Variants in GPIHBP1 observed in about 807,000 individuals in gnomAD.
The protein encoded by GPIHBP1 is glycosylphosphatidylinositol anchored high density lipoprotein binding protein 1.
A neutral mutation model predicts 13.0 loss-of-function variants in GPIHBP1; 11 were observed. The observed-to-expected ratio is 0.84, with a 90% confidence interval of 0.53 to 1.40. The LOEUF (loss-of-function observed/expected upper bound fraction) is 1.40, where lower values mean the gene tolerates loss of function less well. GPIHBP1 is among the 40% of genes most tolerant of loss of function. The pLI is 0.00. For synonymous variants in GPIHBP1, 106 were observed against 102.2 expected (o/e 1.04, Z -0.22); for missense variants, 231 against 241.1 (o/e 0.96, Z 0.28).
chr8:143,215,995 G>GC lies in GPIHBP1; in HGVS notation c.*482dup, dbSNP rs1368816119. On this transcript the variant is annotated 3_prime_UTR_variant, in exon 4 of 4. Transcript: ENST00000622500. ...GGGGATTTGGAGGGAGGCTGTCGTCGCCCCCAGGAAAGACGGGCCTGGGGG... is the reference window on the plus strand; with the variant it reads ...GGGGATTTGGAGGGAGGCTGTCGTCGCCCCCCAGGAAAGACGGGCCTGGGGG... 6.0e-6 allele frequency: 1 copy of GC among 167,276 alleles called. No homozygotes were observed. The highest frequency in any genetic ancestry group is 5.7e-5 in the Admixed American group (1 of 17,646). The allele number at this position is 167,276 out of a possible 1,614,324, so 10.4% of individuals were successfully genotyped here.
rs1474223646 is a variant in GPIHBP1, at chr8:143,214,665, G to C, written c.182-348G>C. Among the ~76,000 whole-genome samples, 5 of 152,058 alleles carry C rather than the reference G, an allele frequency of 3.3e-5. No individual in the cohort carries two copies. The highest frequency in any genetic ancestry group is 1.2e-4 in the African/African-American group (5 of 41,402). The stretch of plus-strand genomic sequence containing the variant: ...CACACCCACGAGGTGTCCCCTGTGA[G>C]GCCCTCCTCTGCCAGGCCTGGTGCT... On this transcript the variant is annotated intron_variant, in intron 2 of 3. Coordinates refer to ENST00000622500, the MANE Select transcript of GPIHBP1 (RefSeq NM_178172.6). The surrounding 1 kb of genome is among the most constrained non-coding windows in gnomAD (Gnocchi z 4.1).
chr8:143,215,846 A>C lies in GPIHBP1; in HGVS notation c.*328A>C. The stretch of plus-strand genomic sequence containing the variant: ...CAGGCAGAGATGATACCCACCACAC[A>C]CCTGGGGGCCCCCACACCCAGTCCT... On this transcript the variant is annotated 3_prime_UTR_variant, in exon 4 of 4. Coordinates refer to ENST00000622500, the MANE Select transcript of GPIHBP1 (RefSeq NM_178172.6). 3 of 399,436 alleles carry C rather than the reference A, an allele frequency of 7.5e-6. No homozygotes were observed. The highest frequency in any genetic ancestry group is 9.1e-6 in the Non-Finnish European group (2 of 219,610). The allele number at this position is 399,436 out of a possible 1,614,324, so 24.7% of individuals were successfully genotyped here.
rs377237094 is a variant in GPIHBP1 at position 143,214,989 on chromosome 8, G to A, written c.182-24G>A. 32 of 1,514,064 alleles carry A rather than the reference G, an allele frequency of 2.1e-5. No homozygotes were observed. The highest frequency in any genetic ancestry group is 1.5e-4 in the East Asian group (6 of 40,780). The allele number at this position is 1,514,064 out of a possible 1,614,324, so 93.8% of individuals were successfully genotyped here. On this transcript the variant is annotated intron_variant, in intron 2 of 3. Coordinates refer to ENST00000622500, the MANE Select transcript of GPIHBP1 (RefSeq NM_178172.6). The surrounding 1 kb of genome is among the most constrained non-coding windows in gnomAD (Gnocchi z 4.1). The stretch of plus-strand genomic sequence containing the variant: ...AGGAGACCCTGGGGGGCCCGGCCTC[G>A]GCCTGAGCCCGCCTTGTCCCCAGTG...
chr8:143,215,124 C>T lies in GPIHBP1; in HGVS notation c.293C>T (p.Thr98Ile). 1 of 1,611,988 alleles carries T rather than the reference C, an allele frequency of 6.2e-7. No individual in the cohort carries two copies. Among genetic ancestry groups the T allele is most frequent in the Non-Finnish European group, 8.5e-7 (1 of 1,179,216 alleles). Residue 98 changes from threonine (T) to isoleucine (I), a missense_variant and splice_region_variant, in exon 3 of 4, where the codon ACC becomes ATC. Thr to Ile is a moderately conservative substitution (Grantham distance 89). Coordinates refer to ENST00000622500, the MANE Select transcript of GPIHBP1 (RefSeq NM_178172.6). The part of the protein sequence containing the change: ...TCTTLIAHGN[T>I]ESGLLTTHST... ...ACAACCCTCATTGCCCACGGGAACA[C>T]CGGTAAGTGGGCGTGGGGCCGCAGC...
intron 1 of GPIHBP1, 65 bp from the exon 2 acceptor site, chr8:143,213,757 T>C (rs1816256573): frequency 1.3e-6 from 2 of 1,564,486 alleles, no homozygotes; most frequent in Non-Finnish European, 1.7e-6. Flanking sequence ...GGCACGATGC[T>C]TGCCCAGAGC....
In GPIHBP1 at chr8:143,213,306, G is replaced by A. The variant is rs1221297496; in HGVS notation, c.39G>A (p.Leu13=). 3.8e-6 allele frequency: 6 copies of A among 1,598,000 alleles called. No individual in the cohort carries two copies. The highest frequency in any genetic ancestry group is 3.4e-6 in the Non-Finnish European group (4 of 1,176,598). Residue 13 remains leucine, a synonymous_variant, in exon 1 of 4, where the codon CTG becomes CTA. Transcript: ENST00000622500. ...GGGCTGTCCTGCTTGCCCTCTTGCT[G>A]TTCGGGCGGCCAGGTGCGGGGCAAA... ...ALGAVLLALL[L]FGRPGRGQTQ...
Position 143,215,402 on chromosome 8 carries a change from C to T in GPIHBP1, c.439C>T (p.Gln147Ter). The T allele has an allele frequency of 6.2e-7, 1 of 1,612,854 alleles. No homozygotes were observed. The highest frequency in any genetic ancestry group is 8.5e-7 in the Non-Finnish European group (1 of 1,179,988). ...NVPPWQSSRV[Q>*]DPTGKGAGGP... ...CCCACCCTGGCAAAGCTCCCGAGTC[C>T]AGGACCCAACAGGCAAGGGGGCAGG... Residue 147 changes from glutamine to a stop codon, truncating the protein, a stop_gained, in exon 4 of 4, where the codon CAG becomes TAG. Coordinates refer to ENST00000622500, the MANE Select transcript of GPIHBP1 (RefSeq NM_178172.6). LOFTEE classifies it low-confidence loss of function (END_TRUNC).
Position 143,217,017 on chromosome 8 carries a change from CTG to C in GPIHBP1, c.*1500_*1501del, listed in dbSNP as rs1372305161. 6.6e-6 allele frequency: 1 copy of C among 152,278 alleles called. No individual in the cohort carries two copies. The highest frequency in any genetic ancestry group is 6.5e-5 in the Admixed American group (1 of 15,282). 9.4% of individuals were successfully genotyped at this position (152,278 alleles called of 1,614,324 possible). On this transcript the variant is annotated 3_prime_UTR_variant, in exon 4 of 4. Transcript: ENST00000622500. The stretch of plus-strand genomic sequence containing the variant: ...CTCCTTCTGCTGGCTGAAGTGATGA[CTG>C]GAGCTCAGCAACCACTTTGCACCAT...
rs1289358463 is a variant in GPIHBP1, at chr8:143,215,085, A to G, written c.254A>G (p.His85Arg). The change falls in exon 3 of 4, where the codon CAT becomes CGT. Residue 85 changes from histidine (H) to arginine (R), a missense_variant. By Grantham distance (29) the His-to-Arg change is conservative (BLOSUM62 0). Coordinates refer to ENST00000622500, the MANE Select transcript of GPIHBP1 (RefSeq NM_178172.6). The part of the protein sequence containing the change: ...ERCNLTQNCS[H>R]GQTCTTLIAH... ...TGCAACCTGACGCAGAACTGCTCACATGGCCAGACCTGCACAACCCTCATT... is the reference window on the plus strand; with the variant it reads ...TGCAACCTGACGCAGAACTGCTCACGTGGCCAGACCTGCACAACCCTCATT... 8.7e-6 allele frequency: 14 copies of G among 1,612,278 alleles called. No individual in the cohort carries two copies. The highest frequency in any genetic ancestry group is 1.3e-5 in the African/African-American group (1 of 74,990).
chr8:143,213,795 G>A (rs1394280223), intron 1 of GPIHBP1, 27 bp from the exon 2 acceptor site: 1 of 1,575,484 alleles, frequency 6.3e-7, no homozygotes, highest in Non-Finnish European at 8.6e-7. Flanking sequence ...GGGTAGCTGA[G>A]GCTTACAAGC....
At chr8:143,213,387 A>G (rs946413347) in intron 1 of GPIHBP1, 68 bp downstream of exon 1, 7 of 1,302,986 alleles carry the variant, frequency 5.4e-6, no homozygotes, top group Non-Finnish European at 7.6e-6. Flanking sequence ...AGGGACCTCC[A>G]GGGACCCCCA....
In GPIHBP1 at chr8:143,213,829, G is replaced by A; in HGVS notation, c.60G>A (p.Gly20=). ...GCATCCCTGCACGGCCAGGGAGAGG[G>A]CAGACACAGCAGGAGGAAGAGGAAG... is the stretch of plus-strand genomic sequence containing the variant. ...ALLLFGRPGR[G]QTQQEEEEED... is the part of the protein sequence containing the mutation. The change falls in exon 2 of 4, where the codon GGG becomes GGA. Residue 20 remains glycine, a synonymous_variant. Coordinates refer to ENST00000622500, the MANE Select transcript of GPIHBP1 (RefSeq NM_178172.6). 1 of 1,567,676 alleles carries A rather than the reference G, an allele frequency of 6.4e-7. No homozygotes were observed. The highest frequency in any genetic ancestry group is 1.9e-5 in the Admixed American group (1 of 53,174).
Position 143,214,896 on chromosome 8 carries a change from T to C in GPIHBP1, c.182-117T>C. 1.4e-6 allele frequency: 1 copy of C among 715,120 alleles called. No homozygotes were observed. The highest frequency in any genetic ancestry group is 2.1e-5 in the Admixed American group (1 of 46,970). The allele number at this position is 715,120 out of a possible 1,614,324, so 44.3% of individuals were successfully genotyped here. On this transcript the variant is annotated intron_variant, in intron 2 of 3. Transcript: ENST00000622500. The surrounding 1 kb of genome is among the most constrained non-coding windows in gnomAD (Gnocchi z 4.1). The stretch of plus-strand genomic sequence containing the variant: ...GTCGCCCGCCCATCTGAGCAGTGGG[T>C]GCTGGAGGCTCACCAGGCTAGGCTT...
In GPIHBP1 at chr8:143,214,935, G is replaced by C; in HGVS notation, c.182-78G>C. 1.0e-6 allele frequency: 1 copy of C among 998,042 alleles called. No individual in the cohort carries two copies. The highest frequency in any genetic ancestry group is 1.6e-5 in the African/African-American group (1 of 62,678). 61.8% of individuals were successfully genotyped at this position (998,042 alleles called of 1,614,324 possible). On this transcript the variant is annotated intron_variant, in intron 2 of 3. Transcript: ENST00000622500. This position sits in a 1 kb window ranked among gnomAD's most constrained non-coding sequence, Gnocchi z 4.1. ...CAGGCTAGGCTTTGGGAGCACAGCT[G>C]AGAACGGGGAGGTGGACAGGGACGT... is the stretch of plus-strand genomic sequence containing the variant.
At position 143,214,275 on chromosome 8, in the gene GPIHBP1, T is replaced by C. The variant is rs1054468051; in HGVS notation, c.181+325T>C. ...AGAGGCCCCAGGGTAGGGTTCAGTT[T>C]TGTGGGGCAGAGAGAGCAGCAGGGT... On this transcript the variant is annotated intron_variant, in intron 2 of 3. Transcript: ENST00000622500. The surrounding 1 kb of genome is among the most constrained non-coding windows in gnomAD (Gnocchi z 4.1). 6.6e-6 allele frequency among the ~76,000 whole-genome samples: 1 copy of C among 151,940 alleles called. No individual in the cohort carries two copies. The highest frequency in any genetic ancestry group is 1.5e-5 in the Non-Finnish European group (1 of 67,950).
In GPIHBP1 at chr8:143,214,718, C is replaced by G. The variant is rs1816274046; in HGVS notation, c.182-295C>G. Among the ~76,000 whole-genome samples the G allele has an allele frequency of 6.6e-6, 1 of 152,216 alleles. No homozygotes were observed. Among genetic ancestry groups the G allele is most frequent in the South Asian group, 2.1e-4 (1 of 4,834 alleles). ...TGGAGGCAGGACTGAGTCAGACCCA[C>G]CTCCAGGTTTCTGTGACCACGGCAG... On this transcript the variant is annotated intron_variant, in intron 2 of 3. Transcript: ENST00000622500. This position sits in a 1 kb window ranked among gnomAD's most constrained non-coding sequence, Gnocchi z 4.1.
chr8:143,213,737 A>G, intron 1 of GPIHBP1, 85 bp from the exon 2 acceptor site: 2 of 1,550,776 alleles, frequency 1.3e-6, no homozygotes, highest in Non-Finnish European at 1.7e-6. Flanking sequence ...GGGAGGGCCA[A>G]GGAGTTGGGG....
chr8:143,215,350 C>G lies in GPIHBP1; in HGVS notation c.387C>G (p.Thr129=). 1 of 1,612,872 alleles carries G rather than the reference C, an allele frequency of 6.2e-7. No homozygotes were observed. The highest frequency in any genetic ancestry group is 1.6e-4 in the Middle Eastern group (1 of 6,062). The change falls in exon 4 of 4, where the codon ACC becomes ACG. Residue 129 remains threonine (T), a synonymous_variant. Coordinates refer to ENST00000622500, the MANE Select transcript of GPIHBP1 (RefSeq NM_178172.6). ...TGGAGGGGACCCAGGTGACCATGACCTGCTGCCAGTCCAGCCTGTGCAATG... is the reference window on the plus strand; with the variant it reads ...TGGAGGGGACCCAGGTGACCATGACGTGCTGCCAGTCCAGCCTGTGCAATG... ...KTVEGTQVTM[T]CCQSSLCNVP... is the part of the protein sequence containing the mutation.
chr8:143,215,493 G>C lies in GPIHBP1; in HGVS notation c.530G>C (p.Gly177Ala), dbSNP rs747105275. The C allele has an allele frequency of 2.5e-6, 4 of 1,608,122 alleles. No homozygotes were observed. In the East Asian group the frequency reaches 8.9e-5, roughly 36 times the overall value. ...ALLLNLLAGLGAMGARRP is the reference protein window; with the variant it reads ...ALLLNLLAGLAAMGARRP Reference sequence around the variant, plus strand: ...CTGCTCAACCTCCTTGCCGGCCTTGGAGCAATGGGGGCCAGGAGACCCTGA... The same window carrying C: ...CTGCTCAACCTCCTTGCCGGCCTTGCAGCAATGGGGGCCAGGAGACCCTGA... The change falls in exon 4 of 4, where the codon GGA (glycine) becomes GCA (alanine). Residue 177 changes from glycine to alanine, a missense_variant. By Grantham distance (60) the Gly-to-Ala change is moderately conservative. Coordinates refer to ENST00000622500, the MANE Select transcript of GPIHBP1 (RefSeq NM_178172.6).
Sources: allele counts gnomAD v4.1 joint callset (sites outside exome capture counted in the v4.1 genomes callset), GRCh38; gene constraint gnomAD v4.1.1; non-coding constraint Gnocchi (gnomAD v3.1); transcripts MANE v1.5; gene names NCBI Gene and HGNC (gene_info 2026-07-23, HGNC 2026-07-21).